The following GTF2F2 variants were observed in gnomAD, a reference collection of about 807,000 sequenced individuals.
GTF2F2 encodes general transcription factor IIF subunit 2.
GTF2F2 carries 23 observed loss-of-function variants against 42.2 expected under a neutral mutation model. That is an observed-to-expected ratio of 0.55 (90% CI 0.39 to 0.77). The LOEUF (loss-of-function observed/expected upper bound fraction) is 0.77. Among genes scored for constraint, GTF2F2 ranks in the 30% least tolerant of loss-of-function variants. The probability of loss-of-function intolerance (pLI) is 0.00; values close to 1 mark genes in which losing one functional copy is unlikely to be tolerated. For synonymous variants in GTF2F2, 105 were observed against 100.8 expected (o/e 1.04, Z -0.25); for missense variants, 261 against 287.2 (o/e 0.91, Z 0.66).
intron 5 of GTF2F2, among the ~76,000 whole-genome samples, chr13:45,235,453 A>G (rs979141447): frequency 6.6e-6 from 1 of 151,368 alleles, no homozygotes; most frequent in Admixed American, 6.6e-5. Flanking sequence ...TCTTAAGGAC[A>G]TATGTAGTGG....
chr13:45,165,460 T>G (rs1871244393), intron 4 of GTF2F2, among the ~76,000 whole-genome samples: 1 of 151,562 alleles, frequency 6.6e-6, no homozygotes, highest in Non-Finnish European at 1.5e-5. Flanking sequence ...AAAAATGAAG[T>G]ATAAAATTGA....
At chr13:45,260,955 G>A (rs1394955006) in intron 6 of GTF2F2, among the ~76,000 whole-genome samples, 2 of 152,032 alleles carry the variant, frequency 1.3e-5, no homozygotes, top group Admixed American at 6.6e-5. Flanking sequence ...GTGAAACCCT[G>A]TCTCTAATAA....
At chr13:45,210,628 G>A (rs7319221) in intron 5 of GTF2F2, among the ~76,000 whole-genome samples, 7,140 of 152,072 alleles carry the variant, frequency 0.047, 490 homozygotes, top group African/African-American at 0.15. Context: ...TGTGCATGTC[G>A]ATTTGGCTCA....
rs1593438169 is a variant in GTF2F2 at position 45,120,555 on chromosome 13, C to G, written c.-101C>G. The G allele has an allele frequency of 2.5e-6, 2 of 804,816 alleles. No homozygotes were observed. The highest frequency in any genetic ancestry group is 4.1e-6 in the Non-Finnish European group (2 of 483,952). The allele number at this position is 804,816 out of a possible 1,614,324, so 49.9% of individuals were successfully genotyped here. A position where few individuals can be genotyped will look rare whatever the true frequency, so the allele number is the denominator to read the frequency against. On this transcript the variant is annotated 5_prime_UTR_variant, in exon 1 of 8. Transcript: ENST00000340473. The stretch of plus-strand genomic sequence containing the variant: ...CAGGTAAGGAACGCCGGCTCTTCGC[C>G]TCTCAGCGCGGCTTGTCCTTTGTTC...
chr13:45,170,256 C>G (rs1268800152), intron 4 of GTF2F2, among the ~76,000 whole-genome samples: 7 of 152,204 alleles, frequency 4.6e-5, no homozygotes, highest in South Asian at 2.1e-4. Flanking sequence ...TCAGACCCCC[C>G]CTGCCTTGGC....
rs767811573 is a variant in GTF2F2, at chr13:45,194,457, G to A, written c.305-12967G>A. 3.1e-6 allele frequency: 5 copies of A among 1,614,168 alleles called. No individual in the cohort carries two copies. In the South Asian group the frequency reaches 5.5e-5, roughly 18 times the overall value. ...TAATGTATAAATATCCACCAACGTT[G>A]AGGGTCATCAGTGTGGATTTGCAGT... On this transcript the variant is annotated intron_variant, in intron 4 of 7. Transcript: ENST00000340473.
At chr13:45,223,888 T>C (rs9534067) in intron 5 of GTF2F2, among the ~76,000 whole-genome samples, 30,425 of 152,154 alleles carry the variant, frequency 0.2, 3,245 homozygotes, top group Non-Finnish European at 0.22. Flanking sequence ...CTTCTTGAAA[T>C]TCTAGAGGAG....
intron 5 of GTF2F2, among the ~76,000 whole-genome samples, chr13:45,245,666 A>AATATATATATAT (rs372488927): frequency 7.1e-4 from 79 of 110,796 alleles, no homozygotes; most frequent in Middle Eastern, 4.5e-3. Context: ...CCATGGTGTG[A>AATATATATATAT]ATATATATAT....
chr13:45,201,927 G>T (rs1873205096), intron 4 of GTF2F2, among the ~76,000 whole-genome samples: 1 of 152,112 alleles, frequency 6.6e-6, no homozygotes, highest in Non-Finnish European at 1.5e-5. Flanking sequence ...TCTAGTAATT[G>T]GTGGTGTGAG....
At chr13:45,180,223 GATC>G (rs1872083729) in intron 4 of GTF2F2, among the ~76,000 whole-genome samples, 1 of 151,988 alleles carries the variant, frequency 6.6e-6, no homozygotes, top group African/African-American at 2.4e-5. Context: ...CTTGGCTTTT[GATC>G]ATGTCATCTT....
chr13:45,178,643 C>T (rs1420823954), intron 4 of GTF2F2, among the ~76,000 whole-genome samples: 2 of 151,754 alleles, frequency 1.3e-5, no homozygotes, highest in African/African-American at 4.8e-5. Context: ...CCTCAAATTC[C>T]GTTTACCAAA....
intron 7 of GTF2F2, among the ~76,000 whole-genome samples, chr13:45,268,635 T>A (rs2096418396): frequency 6.6e-6 from 1 of 152,092 alleles, no homozygotes; most frequent in Admixed American, 6.5e-5. Context: ...ACTCATTAGC[T>A]AAGCTGTGTT....
intron 7 of GTF2F2, among the ~76,000 whole-genome samples, chr13:45,267,896 G>C (rs1169625825): frequency 6.6e-6 from 1 of 150,624 alleles, no homozygotes. Flanking sequence ...TGCTTGCAGA[G>C]ATTGTGATTA....
intron 5 of GTF2F2, among the ~76,000 whole-genome samples, chr13:45,230,555 A>G (rs936187646): frequency 6.6e-6 from 1 of 152,216 alleles, no homozygotes; most frequent in Admixed American, 6.5e-5. Flanking sequence ...TGTATTTACT[A>G]CAAGTCAGAA....
chr13:45,125,445 G>A (rs1012025690), intron 1 of GTF2F2, among the ~76,000 whole-genome samples: 30 of 152,142 alleles, frequency 2.0e-4, no homozygotes, highest in African/African-American at 6.0e-4. Context: ...TCAGCCTCCC[G>A]AGTAGCTGGG....
intron 4 of GTF2F2, among the ~76,000 whole-genome samples, chr13:45,190,660 A>C (rs1009837198): frequency 6.6e-6 from 1 of 152,218 alleles, no homozygotes; most frequent in Admixed American, 6.5e-5. Flanking sequence ...GGTATCCGGC[A>C]TATAGTAAAA....
At chr13:45,163,538 A>G (rs1460967625) in intron 4 of GTF2F2, among the ~76,000 whole-genome samples, 2 of 152,152 alleles carry the variant, frequency 1.3e-5, no homozygotes, top group African/African-American at 2.4e-5. Context: ...TCTGTCTCAA[A>G]AAAAAAGAAA....
chr13:45,240,871 G>A (rs1875259506), intron 5 of GTF2F2, among the ~76,000 whole-genome samples: 1 of 151,714 alleles, frequency 6.6e-6, no homozygotes, highest in Non-Finnish European at 1.5e-5. Flanking sequence ...TGAGCATGGT[G>A]GCTCATGCCT....
chr13:45,254,658 G>A (rs900599251), intron 6 of GTF2F2, among the ~76,000 whole-genome samples: 2 of 152,190 alleles, frequency 1.3e-5, no homozygotes, highest in Non-Finnish European at 2.9e-5. Context: ...GAGCCATACT[G>A]TTAACCACTG....
Sources: gnomAD v4.1 joint callset for allele counts (sites outside exome capture counted in the v4.1 genomes callset) on GRCh38, gnomAD v4.1.1 for gene constraint, MANE v1.5 for transcripts, NCBI Gene and HGNC (gene_info 2026-07-23, HGNC 2026-07-21) for gene names.